The following JUP variants were observed in gnomAD, a reference collection of about 807,000 sequenced individuals.
JUP encodes catenin (cadherin-associated protein), gamma 80kDa.
In JUP, 28 loss-of-function variants were observed where a neutral mutation model predicts 71.1. That is an observed-to-expected ratio of 0.39 (90% CI 0.29 to 0.54). The LOEUF (loss-of-function observed/expected upper bound fraction) is 0.54. Ranked by LOEUF, JUP falls within the 20% of genes least tolerant of loss-of-function variation. The pLI is 0.62. For missense variants in JUP, 869 were observed against 1,030.1 expected (o/e 0.84, Z 2.14); for synonymous variants, 401 against 438.9 (o/e 0.91, Z 1.08).
chr17:41,764,672 C>A, intron 7 of JUP, 41 bp downstream of exon 7: 1 of 1,531,518 alleles, frequency 6.5e-7, no homozygotes, highest in Non-Finnish European at 9.0e-7. Context: ...CTGGATGGGG[C>A]AGCTGAAGAG....
In JUP at chr17:41,769,691, G is replaced by T. The variant is rs1555606010; in HGVS notation, c.209-14C>A. On this transcript the variant is annotated splice_polypyrimidine_tract_variant and intron_variant, in intron 2 of 13. Coordinates refer to ENST00000393931, the MANE Select transcript of JUP (RefSeq NM_002230.4). ...ACTCCAGATCACCTGGGGGCCATGG[G>T]GACAGGGACTGAGTGCAGGCAGTGG... 2 of 1,606,368 alleles carry T rather than the reference G, an allele frequency of 1.2e-6. No individual in the cohort carries two copies. Among genetic ancestry groups the T allele is most frequent in the Admixed American group, 1.7e-5 (1 of 59,096 alleles).
chr17:41,779,654 A>G (rs1375554638), intron 1 of JUP, among the ~76,000 whole-genome samples: 2 of 151,160 alleles, frequency 1.3e-5, no homozygotes, highest in Non-Finnish European at 3.0e-5. Flanking sequence ...ATGATCAGAT[A>G]TTACTTTTTT....
rs781965392 is a variant in JUP, at chr17:41,765,018, C to T, written c.959G>A (p.Arg320His). The T allele has an allele frequency of 4.4e-5, 71 of 1,613,926 alleles. No individual in the cohort carries two copies. The highest frequency in any genetic ancestry group is 1.6e-4 in the Middle Eastern group (1 of 6,084). Residue 320 changes from arginine (R) to histidine (H), a missense_variant, in exon 6 of 14, where the codon CGT becomes CAT. Physicochemically the swap from Arg to His is conservative, Grantham distance 29. Coordinates refer to ENST00000393931, the MANE Select transcript of JUP (RefSeq NM_002230.4). ...GGPQALVQIM[R>H]NYSYEKLLWT... ...GAGCAGCTTTTCATAACTGTAGTTA[C>T]GCATGATCTGCACGAGGGCCTGGGG...
At chr17:41,765,701 G>A (rs1915610432) in intron 5 of JUP, among the ~76,000 whole-genome samples, 1 of 152,090 alleles carries the variant, frequency 6.6e-6, no homozygotes, top group South Asian at 2.1e-4. Context: ...TTTGAAAAAA[G>A]GATAATACCC....
intron 1 of JUP, among the ~76,000 whole-genome samples, chr17:41,776,495 CGTTT>C (rs1318359701): frequency 2.0e-5 from 3 of 152,228 alleles, no homozygotes; most frequent in African/African-American, 7.2e-5. Flanking sequence ...GTGGGAGGGT[CGTTT>C]GAGCCCAGGA....
chr17:41,779,824 C>T (rs2047075025), intron 1 of JUP, among the ~76,000 whole-genome samples: 1 of 135,558 alleles, frequency 7.4e-6, no homozygotes, highest in Admixed American at 7.8e-5. Flanking sequence ...TGCCACCATG[C>T]TTGGCTAATT....
In JUP at chr17:41,767,564, C is replaced by T; in HGVS notation, c.724G>A (p.Val242Ile). 6.2e-7 allele frequency: 1 copy of T among 1,612,896 alleles called. No homozygotes were observed. The highest frequency in any genetic ancestry group is 8.5e-7 in the Non-Finnish European group (1 of 1,179,810). ...AGCGTGGTGATGGCATAGAACAGGA[C>T]CGACTCCACAGGGGAGCTGGGGGGG... ...VRMLSSPVES[V>I]LFYAITTLHN... is the part of the protein sequence containing the mutation. Residue 242 changes from valine (V) to isoleucine (I), a missense_variant, in exon 5 of 14, where the codon GTC becomes ATC. Physicochemically the swap from Val to Ile is conservative, Grantham distance 29. Coordinates refer to ENST00000393931, the MANE Select transcript of JUP (RefSeq NM_002230.4).
Position 41,772,123 on chromosome 17 carries a change from C to T in JUP, c.-8-261G>A, listed in dbSNP as rs74957385. ...GTCCTGGGCTTGCATCTCTGACCTCCCAGGGGGATGAGCCCCAGGGGGCAG... is the reference window on the plus strand; with the variant it reads ...GTCCTGGGCTTGCATCTCTGACCTCTCAGGGGGATGAGCCCCAGGGGGCAG... On this transcript the variant is annotated intron_variant, in intron 1 of 13. Transcript: ENST00000393931. The T allele has an allele frequency of 0.019, 10,742 of 564,464 alleles. 149 individuals carry two copies. Among genetic ancestry groups the T allele is most frequent in the African/African-American group, 0.022 (1,195 of 53,572 alleles). 35.0% of individuals were successfully genotyped at this position (564,464 alleles called of 1,614,324 possible). A position where few individuals can be genotyped will look rare whatever the true frequency, so the allele number is the denominator to read the frequency against.
At chr17:41,756,634 C>T (rs782583897) in intron 12 of JUP, among the ~76,000 whole-genome samples, 2 of 151,310 alleles carry the variant, frequency 1.3e-5, no homozygotes, top group Non-Finnish European at 2.9e-5. Context: ...CGCAGTGGCT[C>T]ACGCCTGTAA....
intron 1 of JUP, among the ~76,000 whole-genome samples, chr17:41,778,918 A>G (rs1453258012): frequency 2.6e-5 from 4 of 151,222 alleles, no homozygotes; most frequent in Non-Finnish European, 5.9e-5. Context: ...CTCAAAAAAA[A>G]AGAAAAAAAG....
At chr17:41,764,581 T>C in intron 7 of JUP, 132 bp downstream of exon 7, 1 of 659,424 alleles carries the variant, frequency 1.5e-6, no homozygotes, top group Non-Finnish European at 2.7e-6. Context: ...TCAAGGCATT[T>C]CCAGCCTCAG....
chr17:41,783,337 G>A (rs2047270314), intron 1 of JUP, among the ~76,000 whole-genome samples: 1 of 150,076 alleles, frequency 6.7e-6, no homozygotes, highest in African/African-American at 2.5e-5. Flanking sequence ...CTGTTGCCCA[G>A]GCTGGAATAC....
rs977975437 is a variant in JUP, at chr17:41,773,191, G to A, written c.-8-1329C>T. On this transcript the variant is annotated intron_variant, in intron 1 of 13. Transcript: ENST00000393931. ...CCACCCATGAAGCCAGGCAGCACCC[G>A]GGTTGTCTCACTGTGATGGGGACCA... Among the ~76,000 whole-genome samples, 3 of 152,176 alleles carry A rather than the reference G, an allele frequency of 2.0e-5. No individual in the cohort carries two copies. In the East Asian group the frequency reaches 5.8e-4, roughly 29 times the overall value.
intron 1 of JUP, among the ~76,000 whole-genome samples, chr17:41,778,009 T>C (rs2046966568): frequency 6.6e-6 from 1 of 152,080 alleles, no homozygotes; most frequent in Non-Finnish European, 1.5e-5. Flanking sequence ...CAACAAAAGG[T>C]TGACGTGTGT....
chr17:41,782,141 T>A (rs1429041078), intron 1 of JUP, among the ~76,000 whole-genome samples: 1 of 152,154 alleles, frequency 6.6e-6, no homozygotes, highest in African/African-American at 2.4e-5. Context: ...TCCAGGCCCA[T>A]TCTGGTGTCA....
Position 41,758,506 on chromosome 17 carries a change from T to C in JUP, c.1666A>G (p.Met556Val), listed in dbSNP as rs1401279994. Residue 556 changes from methionine (M) to valine (V), a missense_variant, in exon 10 of 14, where the codon ATG becomes GTG. Coordinates refer to ENST00000393931, the MANE Select transcript of JUP (RefSeq NM_002230.4). ...GTGCAGCCCTCCACAATCTCCTCCA[T>C]CCTCACACCATCCTGTGTGAGAGGA... ...TQQPYTDGVR[M>V]EEIVEGCTGA... The C allele has an allele frequency of 1.9e-6, 3 of 1,611,964 alleles. No homozygotes were observed. The highest frequency in any genetic ancestry group is 2.5e-6 in the Non-Finnish European group (3 of 1,178,446).
chr17:41,759,176 C>T (rs1030990611), intron 8 of JUP, among the ~76,000 whole-genome samples: 2 of 150,694 alleles, frequency 1.3e-5, no homozygotes, highest in African/African-American at 4.9e-5. Context: ...TGGGTTCAAG[C>T]GATTCTCCTG....
Position 41,765,018 on chromosome 17 carries a change from C to A in JUP, c.959G>T (p.Arg320Leu), listed in dbSNP as rs781965392. Residue 320 changes from arginine (R) to leucine (L), a missense_variant, in exon 6 of 14, where the codon CGT becomes CTT. By Grantham distance (102) the Arg-to-Leu change is moderately radical (BLOSUM62 -2). Coordinates refer to ENST00000393931, the MANE Select transcript of JUP (RefSeq NM_002230.4). ...GGPQALVQIM[R>L]NYSYEKLLWT... ...GAGCAGCTTTTCATAACTGTAGTTA[C>A]GCATGATCTGCACGAGGGCCTGGGG... The A allele has an allele frequency of 6.8e-6, 11 of 1,613,926 alleles. No homozygotes were observed. The highest frequency in any genetic ancestry group is 9.3e-6 in the Non-Finnish European group (11 of 1,179,958).
intron 1 of JUP, chr17:41,772,962 C>A: frequency 3.0e-6 from 3 of 985,570 alleles, no homozygotes; most frequent in African/African-American, 1.7e-5. Context: ...CCCATGAGGG[C>A]CTACTACGAG....
Sources: allele counts gnomAD v4.1 joint callset (sites outside exome capture counted in the v4.1 genomes callset), GRCh38; gene constraint gnomAD v4.1.1; transcripts MANE v1.5; gene names NCBI Gene and HGNC (gene_info 2026-07-23, HGNC 2026-07-21).